The following DEUP1 variants were observed in gnomAD, a reference collection of about 807,000 sequenced individuals.
The protein encoded by DEUP1 is coiled-coil domain containing 67.
A neutral mutation model predicts 87.4 loss-of-function variants in DEUP1; 82 were observed. The ratio of observed to expected loss-of-function variants is 0.94; its 90% CI spans 0.78 to 1.13. The LOEUF (loss-of-function observed/expected upper bound fraction) is 1.13. Ranked by LOEUF, DEUP1 falls within the 50% of genes most tolerant of loss-of-function variation. The pLI is 0.00. For synonymous variants in DEUP1, 214 were observed against 222.7 expected (o/e 0.96, Z 0.35); for missense variants, 663 against 681.5 (o/e 0.97, Z 0.30).
intron 7 of DEUP1, among the ~76,000 whole-genome samples, chr11:93,379,132 A>G (rs1946181297): frequency 6.6e-6 from 1 of 152,148 alleles, no homozygotes; most frequent in Non-Finnish European, 1.5e-5. Context: ...TAATATCCCC[A>G]AAAATAATTC....
chr11:93,373,636 T>TAC (rs1223887580), intron 7 of DEUP1, among the ~76,000 whole-genome samples: 6 of 146,824 alleles, frequency 4.1e-5, no homozygotes, highest in African/African-American at 1.5e-4. Context: ...TATATATATA[T>TAC]ATATATATAT....
intron 2 of DEUP1, among the ~76,000 whole-genome samples, chr11:93,345,937 A>G (rs1423100125): frequency 6.6e-6 from 1 of 152,064 alleles, no homozygotes; most frequent in East Asian, 1.9e-4. Flanking sequence ...GCCTATTCCT[A>G]TGTCTAGAAT....
At chr11:93,396,452 T>C in intron 11 of DEUP1, 127 bp downstream of exon 11, 1 of 594,978 alleles carries the variant, frequency 1.7e-6, no homozygotes, top group South Asian at 2.6e-5. Flanking sequence ...GTAAATTATC[T>C]TGTGCTTCAG....
chr11:93,345,199 T>C (rs1229672258), intron 2 of DEUP1, among the ~76,000 whole-genome samples: 1 of 152,230 alleles, frequency 6.6e-6, no homozygotes, highest in Admixed American at 6.5e-5. Context: ...TTGTTCCTTT[T>C]ATGGCTGCAT....
Position 93,427,246 on chromosome 11 carries a change from A to G in DEUP1, c.1639-10297A>G, listed in dbSNP as rs1035460518. 5.5e-4 allele frequency among the ~76,000 whole-genome samples: 83 copies of G among 151,332 alleles called. 1 individual carries two copies. The highest frequency in any genetic ancestry group is 5.1e-3 in the Admixed American group (78 of 15,176). ...ACTATACTACAAGGCTACAGTAACC[A>G]AAACAGCATGGTACTGGTACCAAAA... On this transcript the variant is annotated intron_variant, in intron 13 of 13. Coordinates refer to ENST00000298050, the MANE Select transcript of DEUP1 (RefSeq NM_181645.4).
chr11:93,332,348 G>A, intron 2 of DEUP1, 60 bp downstream of exon 2: 6 of 1,374,952 alleles, frequency 4.4e-6, no homozygotes, highest in Non-Finnish European at 6.1e-6. Context: ...AAAACTTCCT[G>A]AGAACACATG....
intron 2 of DEUP1, among the ~76,000 whole-genome samples, chr11:93,344,308 A>T (rs1434239176): frequency 6.6e-6 from 1 of 152,164 alleles, no homozygotes; most frequent in African/African-American, 2.4e-5. Flanking sequence ...AGAAAAGTTA[A>T]ATTATATTAG....
At chr11:93,379,429 T>G (rs771301789) in intron 7 of DEUP1, among the ~76,000 whole-genome samples, 5 of 152,340 alleles carry the variant, frequency 3.3e-5, no homozygotes, top group African/African-American at 4.8e-5. Context: ...AGGGAAAGAC[T>G]GTACATTGAG....
intron 5 of DEUP1, among the ~76,000 whole-genome samples, chr11:93,368,569 T>C (rs183352119): frequency 6.6e-6 from 1 of 152,172 alleles, no homozygotes; most frequent in African/African-American, 2.4e-5. Flanking sequence ...GGGGAAGTGC[T>C]ACACACTTTC....
At chr11:93,404,157 G>T (rs1947200503) in intron 11 of DEUP1, among the ~76,000 whole-genome samples, 2 of 152,180 alleles carry the variant, frequency 1.3e-5, no homozygotes, top group Admixed American at 1.3e-4. Context: ...CCCATTTGGG[G>T]AATGTACTGA....
chr11:93,389,517 T>C (rs189404031), intron 9 of DEUP1, among the ~76,000 whole-genome samples: 2 of 150,940 alleles, frequency 1.3e-5, no homozygotes, highest in Non-Finnish European at 3.0e-5. Flanking sequence ...CCTCATAAGT[T>C]TGTGATGAGG....
chr11:93,412,825 A>G (rs545335317), intron 12 of DEUP1, among the ~76,000 whole-genome samples: 3 of 152,132 alleles, frequency 2.0e-5, no homozygotes, highest in African/African-American at 7.2e-5. Flanking sequence ...GAGATGTTTC[A>G]TCTTATGGTG....
intron 2 of DEUP1, among the ~76,000 whole-genome samples, chr11:93,354,511 T>C (rs1944784095): frequency 6.6e-6 from 1 of 152,194 alleles, no homozygotes; most frequent in South Asian, 2.1e-4. Flanking sequence ...ATTTACTGTA[T>C]TAGTCTGTTT....
At chr11:93,364,439 C>G in intron 5 of DEUP1, 145 bp downstream of exon 5, 1 of 666,134 alleles carries the variant, frequency 1.5e-6, no homozygotes, top group Non-Finnish European at 2.5e-6. Flanking sequence ...AATATATTTT[C>G]TTAGTGCACC....
At chr11:93,340,706 G>A (rs1248739260) in intron 2 of DEUP1, among the ~76,000 whole-genome samples, 1 of 152,212 alleles carries the variant, frequency 6.6e-6, no homozygotes, top group African/African-American at 2.4e-5. Flanking sequence ...TGAAATAGCT[G>A]ACAATGTTAT....
At chr11:93,381,775 T>C (rs1468319463) in intron 7 of DEUP1, among the ~76,000 whole-genome samples, 1 of 152,146 alleles carries the variant, frequency 6.6e-6, no homozygotes, top group African/African-American at 2.4e-5. Flanking sequence ...ATTTTCCTAC[T>C]AGCCGAATTA....
intron 13 of DEUP1, among the ~76,000 whole-genome samples, chr11:93,435,588 G>C (rs556608386): frequency 6.6e-6 from 1 of 152,160 alleles, no homozygotes; most frequent in Admixed American, 6.5e-5. Flanking sequence ...CTTTACCAGA[G>C]ATTCTTCTAG....
At chr11:93,402,783 T>C (rs1440614625) in intron 11 of DEUP1, among the ~76,000 whole-genome samples, 1 of 151,936 alleles carries the variant, frequency 6.6e-6, no homozygotes, top group Non-Finnish European at 1.5e-5. Context: ...AGACAAATAT[T>C]GCATGTTCTC....
intron 2 of DEUP1, among the ~76,000 whole-genome samples, chr11:93,337,392 AACATATTGGT>A (rs1943824164): frequency 1.3e-5 from 2 of 149,744 alleles, no homozygotes; most frequent in Admixed American, 6.7e-5. Context: ...GATGTAAGTC[AACATATTGGT>A]ACCTGAATAA....
Sources: allele counts gnomAD v4.1 joint callset (sites outside exome capture counted in the v4.1 genomes callset), GRCh38; gene constraint gnomAD v4.1.1; transcripts MANE v1.5; gene names NCBI Gene and HGNC (gene_info 2026-07-23, HGNC 2026-07-21).